SH3PXD2A: variants seen among roughly 807,000 people sequenced by gnomAD.
SH3PXD2A encodes the protein SH3 and PX domains 2A.
Under a neutral mutation model 115.2 loss-of-function variants are expected in SH3PXD2A, and 32 were observed. The ratio of observed to expected loss-of-function variants is 0.28; its 90% CI spans 0.21 to 0.37. The LOEUF is 0.37. Ranked by LOEUF, SH3PXD2A falls within the 10% of genes least tolerant of loss-of-function variation. The pLI, the probability that SH3PXD2A is intolerant of heterozygous loss-of-function variation, is 1.00. For missense variants in SH3PXD2A, 1,328 were observed against 1,498.7 expected (o/e 0.89, Z 1.88); for synonymous variants, 610 against 629.1 (o/e 0.97, Z 0.45).
chr10:103,617,113 A>G (rs2036530425), intron 11 of SH3PXD2A, 84 bp downstream of exon 11: 3 of 874,372 alleles, frequency 3.4e-6, no homozygotes, highest in African/African-American at 3.3e-5. Flanking sequence ...TCTACCTGCC[A>G]TCAGGTGGCC....
chr10:103,633,727 C>CCAAAAAA lies in SH3PXD2A; in HGVS notation c.605-6526_605-6525insTTTTTTG, dbSNP rs1554905367. On this transcript the variant is annotated intron_variant, in intron 8 of 14. Transcript: ENST00000369774. ...TAGGCGATGGAGCAAGATTCTGTCT[C>CCAAAAAA]AAAAAAAAAAAAAAAAAAAAAAAAA... 1.6e-4 allele frequency among the ~76,000 whole-genome samples: 12 copies of CCAAAAAA among 74,356 alleles called. 3 individuals are homozygous for CCAAAAAA. Among genetic ancestry groups the CCAAAAAA allele is most frequent in the East Asian group, 9.0e-4 (2 of 2,232 alleles). 48.8% of individuals were successfully genotyped at this position (74,356 alleles called of 152,430 possible). A position where few individuals can be genotyped will look rare whatever the true frequency, so the allele number is the denominator to read the frequency against.
chr10:103,733,104 T>C (rs376779461), intron 4 of SH3PXD2A, among the ~76,000 whole-genome samples: 7 of 151,974 alleles, frequency 4.6e-5, no homozygotes, highest in Non-Finnish European at 7.4e-5. Flanking sequence ...GTGAGATAGA[T>C]GGCTGTCTGC....
chr10:103,613,952 G>A (rs901651434), intron 11 of SH3PXD2A, among the ~76,000 whole-genome samples: 77 of 152,258 alleles, frequency 5.1e-4, no homozygotes, highest in African/African-American at 1.8e-3. Flanking sequence ...GAACAAAGAT[G>A]CATTATTCAA....
At chr10:103,801,245 G>C (rs2039143804) in intron 2 of SH3PXD2A, 37 bp downstream of exon 2, 3 of 1,304,678 alleles carry the variant, frequency 2.3e-6, no homozygotes, top group South Asian at 2.4e-5. Context: ...GCCCACCAGA[G>C]AGACTTGGGC....
intron 3 of SH3PXD2A, among the ~76,000 whole-genome samples, chr10:103,743,009 G>C (rs1471160516): frequency 6.6e-6 from 1 of 152,132 alleles, no homozygotes; most frequent in African/African-American, 2.4e-5. Context: ...ATGCATGTGG[G>C]AGGAAGGAGG....
chr10:103,638,968 G>T (rs78370820), intron 8 of SH3PXD2A, among the ~76,000 whole-genome samples: 3,242 of 152,294 alleles, frequency 0.021, 123 homozygotes, highest in African/African-American at 0.074. Context: ...GTCTGATTCT[G>T]TGCCTGGCAC....
intron 2 of SH3PXD2A, among the ~76,000 whole-genome samples, chr10:103,775,668 G>GA (rs2038870438): frequency 6.6e-6 from 1 of 152,184 alleles, no homozygotes; most frequent in Non-Finnish European, 1.5e-5. Flanking sequence ...GTATGTCAGA[G>GA]AAAGTGCTGG....
chr10:103,736,211 G>A (rs1282033247), intron 3 of SH3PXD2A, among the ~76,000 whole-genome samples: 1 of 152,252 alleles, frequency 6.6e-6, no homozygotes, highest in African/African-American at 2.4e-5. Context: ...TGAGAAATCG[G>A]CATTCGTTCC....
intron 5 of SH3PXD2A, among the ~76,000 whole-genome samples, chr10:103,722,454 A>C (rs1014478797): frequency 5.3e-5 from 8 of 152,020 alleles, no homozygotes; most frequent in Non-Finnish European, 8.8e-5. Context: ...CTTTCTTCTG[A>C]AATTTTACAT....
chr10:103,744,231 G>T (rs1288563770), intron 3 of SH3PXD2A, among the ~76,000 whole-genome samples: 2 of 147,900 alleles, frequency 1.4e-5, no homozygotes, highest in Non-Finnish European at 3.0e-5. Flanking sequence ...TCGGCTCACC[G>T]CAACCTCCAC....
chr10:103,693,729 A>G (rs1352216793), intron 5 of SH3PXD2A: 1 of 152,206 alleles, frequency 6.6e-6, no homozygotes, highest in East Asian at 1.9e-4. Context: ...GAGGCCATGG[A>G]TAAGGTCCTT....
At position 103,725,849 on chromosome 10, in the gene SH3PXD2A, A is replaced by G. The variant is rs1407048545; in HGVS notation, c.307-1488T>C. On this transcript the variant is annotated intron_variant, in intron 4 of 14. Coordinates refer to ENST00000369774, the MANE Select transcript of SH3PXD2A (RefSeq NM_001394015.1). ...GTCTCAAAAAAATATAAATAAATAAAATAAAAATAAAAATAAATAAAATAA... is the reference window on the plus strand; with the variant it reads ...GTCTCAAAAAAATATAAATAAATAAGATAAAAATAAAAATAAATAAAATAA... Among the ~76,000 whole-genome samples the G allele has an allele frequency of 4.6e-5, 7 of 151,898 alleles. No homozygotes were observed. In the East Asian group the frequency reaches 1.2e-3, roughly 25 times the overall value.
intron 1 of SH3PXD2A, among the ~76,000 whole-genome samples, chr10:103,843,044 A>G (rs141016969): frequency 6.6e-5 from 10 of 152,358 alleles, no homozygotes; most frequent in African/African-American, 2.4e-4. Flanking sequence ...AGCAAAATCA[A>G]GAAGGATGAT....
At chr10:103,611,892 C>G (rs1350323220) in intron 12 of SH3PXD2A, among the ~76,000 whole-genome samples, 1 of 152,126 alleles carries the variant, frequency 6.6e-6, no homozygotes, top group African/African-American at 2.4e-5. Context: ...AAATGTGCAG[C>G]TATGTGGGCA....
chr10:103,672,838 C>T (rs1162049423), intron 6 of SH3PXD2A, among the ~76,000 whole-genome samples: 2 of 152,208 alleles, frequency 1.3e-5, no homozygotes, highest in East Asian at 3.8e-4. Context: ...CTGGAAATGG[C>T]AGGTATGCCA....
In SH3PXD2A at chr10:103,628,068, T is replaced by C. The variant is rs1228969702; in HGVS notation, c.605-866A>G. ...CCCCGTCACCATCCACCGCGGCAAG[T>C]GGCCGCCCAAGGATCTAGAAGGCAC... On this transcript the variant is annotated intron_variant, in intron 8 of 14. Transcript: ENST00000369774. Among the ~76,000 whole-genome samples the C allele has an allele frequency of 2.0e-5, 3 of 152,304 alleles. No homozygotes were observed. In the East Asian group the frequency reaches 5.8e-4, roughly 29 times the overall value.
At chr10:103,800,730 TC>T (rs2039138900) in intron 2 of SH3PXD2A, among the ~76,000 whole-genome samples, 1 of 152,170 alleles carries the variant, frequency 6.6e-6, no homozygotes, top group Non-Finnish European at 1.5e-5. Flanking sequence ...ATACTACCAT[TC>T]CCTTGTGAAC....
intron 8 of SH3PXD2A, among the ~76,000 whole-genome samples, chr10:103,630,745 TAAAAAA>T (rs57562821): frequency 5.1e-5 from 6 of 117,428 alleles, no homozygotes; most frequent in Non-Finnish European, 8.6e-5. Context: ...TCCCTTCTCT[TAAAAAA>T]AAAAAAAAAA....
intron 3 of SH3PXD2A, among the ~76,000 whole-genome samples, chr10:103,760,007 CT>C (rs2038683139): frequency 6.6e-6 from 1 of 152,182 alleles, no homozygotes; most frequent in African/African-American, 2.4e-5. Flanking sequence ...TTTGGATGAT[CT>C]TTTCAAAGGT....
Sources: gnomAD v4.1 joint callset for allele counts (sites outside exome capture counted in the v4.1 genomes callset) on GRCh38, gnomAD v4.1.1 for gene constraint, MANE v1.5 for transcripts, NCBI Gene and HGNC (gene_info 2026-07-23, HGNC 2026-07-21) for gene names.